PAM: variants seen among roughly 807,000 people sequenced by gnomAD.
PAM encodes the protein peptidyl-glycine alpha-amidating monooxygenase.
Under a neutral mutation model 122.1 loss-of-function variants are expected in PAM, and 72 were observed. That is an observed-to-expected ratio of 0.59 (90% CI 0.49 to 0.72). The LOEUF is 0.72. Among genes scored for constraint, PAM ranks in the 30% least tolerant of loss-of-function variants. PAM has a pLI of 0.00. For synonymous variants in PAM, 389 were observed against 404.4 expected (o/e 0.96, Z 0.46); for missense variants, 1,106 against 1,183.7 (o/e 0.93, Z 0.96).
At chr5:102,795,530 G>A (rs1395274480) in intron 1 of PAM, among the ~76,000 whole-genome samples, 1 of 152,154 alleles carries the variant, frequency 6.6e-6, no homozygotes, top group African/African-American at 2.4e-5. Context: ...TTTGTATCAG[G>A]CTAGCTAATT....
chr5:102,820,622 A>G lies in PAM; in HGVS notation c.-373-45201A>G, dbSNP rs541484207. 3.3e-5 allele frequency among the ~76,000 whole-genome samples: 5 copies of G among 152,364 alleles called. No individual in the cohort carries two copies. The East Asian group carries it at 7.7e-4, about 23-fold the overall frequency. ...ATTTTGCAATATATGGTACTTACAC[A>G]AACGTATAATCTAGATTAGTGAGGA... On this transcript the variant is annotated intron_variant, in intron 1 of 25. Transcript: ENST00000438793.
rs566587826 is a variant in PAM at position 102,826,637 on chromosome 5, T to G, written c.-373-39186T>G. Among the ~76,000 whole-genome samples, 6 of 152,206 alleles carry G rather than the reference T, an allele frequency of 3.9e-5. No homozygotes were observed. The South Asian group carries it at 1.2e-3, about 32-fold the overall frequency. On this transcript the variant is annotated intron_variant, in intron 1 of 25. Coordinates refer to ENST00000438793, the MANE Select transcript of PAM (RefSeq NM_001177306.2). Reference sequence around the variant, plus strand: ...AGAGAGTCAGCTGCAAACCTTTCCTTGGGTAATGGGATTAGCACTCTGTTG... The same window carrying G: ...AGAGAGTCAGCTGCAAACCTTTCCTGGGGTAATGGGATTAGCACTCTGTTG...
In PAM at chr5:102,901,410, G is replaced by A. The variant is rs746515192; in HGVS notation, c.265G>A (p.Val89Met). 50 of 1,545,218 alleles carry A rather than the reference G, an allele frequency of 3.2e-5. No individual in the cohort carries two copies. The highest frequency in any genetic ancestry group is 3.9e-5 in the Non-Finnish European group (44 of 1,118,578). ...MRIPVDEEAF[V>M]IDFKPRASMD... ...AATACCAGTGGATGAGGAAGCCTTC[G>A]TGAGTAAGTATTAATTGGATTGGGG... The change falls in exon 4 of 26, where the codon GTG becomes ATG. Residue 89 changes from valine (V) to methionine (M), a missense_variant. Transcript: ENST00000438793.
rs1554107232 is a variant in PAM, at chr5:102,900,255, G to GTGT, written c.211-1101_211-1100insTGT. The stretch of plus-strand genomic sequence containing the variant: ...TTCAGGTCTCTTAATGTGTGTGTGT[G>GTGT]GGGGGGGGGCGGGGGGAAGAGGGTA... On this transcript the variant is annotated intron_variant, in intron 3 of 25. Coordinates refer to ENST00000438793, the MANE Select transcript of PAM (RefSeq NM_001177306.2). 4.2e-3 allele frequency among the ~76,000 whole-genome samples: 346 copies of GTGT among 82,876 alleles called. 14 individuals are homozygous for GTGT. The highest frequency in any genetic ancestry group is 0.016 in the African/African-American group (330 of 20,128). 54.4% of individuals were successfully genotyped at this position (82,876 alleles called of 152,430 possible).
chr5:102,812,562 C>T (rs1298699108), intron 1 of PAM, among the ~76,000 whole-genome samples: 2 of 151,904 alleles, frequency 1.3e-5, no homozygotes, highest in Non-Finnish European at 2.9e-5. Flanking sequence ...CTAAATAGTA[C>T]CTTAGGACCC....
intron 14 of PAM, among the ~76,000 whole-genome samples, chr5:102,966,240 C>T (rs549070685): frequency 6.6e-6 from 1 of 152,168 alleles, no homozygotes; most frequent in East Asian, 1.9e-4. Flanking sequence ...TAAATACCCC[C>T]CAAGGCTCTG....
chr5:102,766,622 G>A (rs571262588), intron 1 of PAM, among the ~76,000 whole-genome samples: 1 of 152,282 alleles, frequency 6.6e-6, no homozygotes, highest in African/African-American at 2.4e-5. Context: ...CCAGGGGGCT[G>A]GGGACACCTG....
chr5:103,014,617 A>G (rs931046412), intron 21 of PAM, among the ~76,000 whole-genome samples: 3 of 152,170 alleles, frequency 2.0e-5, no homozygotes, highest in Non-Finnish European at 2.9e-5. Context: ...CAAGTTTTAC[A>G]TAAGGGGGTT....
chr5:102,766,015 C>T (rs1055551054), intron 1 of PAM, among the ~76,000 whole-genome samples: 3 of 151,998 alleles, frequency 2.0e-5, no homozygotes, highest in African/African-American at 7.3e-5. Context: ...ATACAATACA[C>T]ATACAAGAAA....
intron 7 of PAM, among the ~76,000 whole-genome samples, chr5:102,927,507 C>T (rs1217301110): frequency 6.6e-6 from 1 of 152,102 alleles, no homozygotes; most frequent in Non-Finnish European, 1.5e-5. Flanking sequence ...TGATATGTTT[C>T]CCTTTCCAAA....
intron 1 of PAM, among the ~76,000 whole-genome samples, chr5:102,776,880 T>C (rs1188969192): frequency 6.6e-6 from 1 of 152,124 alleles, no homozygotes; most frequent in African/African-American, 2.4e-5. Context: ...TTATCAGGGT[T>C]ACTTTTTCAT....
intron 1 of PAM, among the ~76,000 whole-genome samples, chr5:102,819,911 C>T (rs1771196776): frequency 6.6e-6 from 1 of 152,202 alleles, no homozygotes; most frequent in African/African-American, 2.4e-5. Flanking sequence ...TCAGCGCCAT[C>T]TGCCTTCAGT....
chr5:102,848,578 A>C (rs1780545466), intron 1 of PAM, among the ~76,000 whole-genome samples: 1 of 152,230 alleles, frequency 6.6e-6, no homozygotes, highest in Non-Finnish European at 1.5e-5. Flanking sequence ...GCAAATACAC[A>C]GTCACAAATC....
At chr5:102,801,832 G>A (rs1235671756) in intron 1 of PAM, among the ~76,000 whole-genome samples, 6 of 138,082 alleles carry the variant, frequency 4.3e-5, no homozygotes, top group Admixed American at 1.6e-4. Context: ...AGGCTGGAGT[G>A]CAGTGGCGCG....
chr5:102,939,889 G>A (rs1754530402), intron 7 of PAM, among the ~76,000 whole-genome samples: 1 of 151,806 alleles, frequency 6.6e-6, no homozygotes. Context: ...CTGATTTTAG[G>A]TTGACCTTAA....
intron 1 of PAM, among the ~76,000 whole-genome samples, chr5:102,763,439 T>C (rs1752983701): frequency 1.3e-5 from 2 of 152,164 alleles, no homozygotes; most frequent in Non-Finnish European, 2.9e-5. Flanking sequence ...GTCTGCATTA[T>C]CATGGAGTGA....
chr5:102,922,656 T>C (rs1747847085), intron 5 of PAM, among the ~76,000 whole-genome samples: 1 of 152,238 alleles, frequency 6.6e-6, no homozygotes, highest in Admixed American at 6.5e-5. Context: ...TGGTTCTTTC[T>C]AGTCATCCAT....
At chr5:102,959,752 A>G in intron 12 of PAM, 123 bp from the exon 13 acceptor site, 1 of 638,606 alleles carries the variant, frequency 1.6e-6, no homozygotes, top group East Asian at 2.7e-5. Context: ...AAGCTATAAA[A>G]TAAATGCACA....
chr5:102,906,941 A>G (rs1799746379), intron 4 of PAM, among the ~76,000 whole-genome samples: 1 of 151,794 alleles, frequency 6.6e-6, no homozygotes, highest in Non-Finnish European at 1.5e-5. Flanking sequence ...TATCTTGCAT[A>G]GCTTGGCTGA....
Sources: gnomAD v4.1 joint callset for allele counts (sites outside exome capture counted in the v4.1 genomes callset) on GRCh38, gnomAD v4.1.1 for gene constraint, MANE v1.5 for transcripts, NCBI Gene and HGNC (gene_info 2026-07-23, HGNC 2026-07-21) for gene names.